Variants in BLK observed in about 807,000 individuals in gnomAD.
BLK encodes tyrosine-protein kinase Blk.
BLK carries 64 observed loss-of-function variants against 61.8 expected under a neutral mutation model. The observed-to-expected ratio is 1.03, with a 90% confidence interval of 0.85 to 1.27. The LOEUF (loss-of-function observed/expected upper bound fraction) is 1.27. Among genes scored for constraint, BLK ranks in the 50% most tolerant of loss-of-function variants. The pLI is 0.00. For synonymous variants in BLK, 351 were observed against 272.0 expected (o/e 1.29, Z -2.86); for missense variants, 853 against 660.5 (o/e 1.29, Z -3.19).
chr8:11,561,968 G>A (rs1335440597), intron 11 of BLK, among the ~76,000 whole-genome samples: 1 of 152,064 alleles, frequency 6.6e-6, no homozygotes, highest in African/African-American at 2.4e-5. Context: ...ACAGGCGTGT[G>A]CCACTACACC....
At chr8:11,562,759 C>T (rs1471124138) in intron 11 of BLK, among the ~76,000 whole-genome samples, 2 of 152,184 alleles carry the variant, frequency 1.3e-5, no homozygotes, top group African/African-American at 2.4e-5. Flanking sequence ...GTATTGGTGT[C>T]CATATCGTCT....
rs1267834821 is a variant in BLK, at chr8:11,563,934, G to C, written c.1344G>C (p.Leu448=). ...GMSNPEVIRN[L]ERGYRMPRPD... ...GCAACCCCGAGGTCATCCGCAACCTGGAGCGCGGCTACCGCATGCCGCGCC... is the reference window on the plus strand; with the variant it reads ...GCAACCCCGAGGTCATCCGCAACCTCGAGCGCGGCTACCGCATGCCGCGCC... Residue 448 remains leucine, a synonymous_variant, in exon 13 of 13, where the codon CTG becomes CTC. Coordinates refer to ENST00000259089, the MANE Select transcript of BLK (RefSeq NM_001715.3). The C allele has an allele frequency of 8.7e-6, 14 of 1,608,440 alleles. No individual in the cohort carries two copies. Among genetic ancestry groups the C allele is most frequent in the Admixed American group, 1.7e-5 (1 of 59,962 alleles).
At chr8:11,505,497 G>A (rs1043051436) in intron 1 of BLK, among the ~76,000 whole-genome samples, 1 of 152,232 alleles carries the variant, frequency 6.6e-6, no homozygotes, top group East Asian at 1.9e-4. Context: ...CTGAGTGAGG[G>A]CAAAGTTGTA....
intron 2 of BLK, among the ~76,000 whole-genome samples, chr8:11,544,401 T>C (rs1453572582): frequency 6.6e-6 from 1 of 152,174 alleles, no homozygotes; most frequent in East Asian, 1.9e-4. Flanking sequence ...GTCATCTCTT[T>C]ATCCTAACAG....
intron 1 of BLK, among the ~76,000 whole-genome samples, chr8:11,511,860 A>G (rs1017168875): frequency 1.3e-5 from 2 of 152,242 alleles, no homozygotes; most frequent in Non-Finnish European, 2.9e-5. Flanking sequence ...GGTTGGGAGT[A>G]TGAATGACAT....
intron 10 of BLK, chr8:11,558,440 C>A: frequency 2.8e-6 from 1 of 360,808 alleles, no homozygotes; most frequent in Admixed American, 3.7e-5. Context: ...CCACAAACAT[C>A]TCCTGTAGGA....
chr8:11,544,734 T>C (rs1800545491), intron 2 of BLK, among the ~76,000 whole-genome samples: 1 of 152,162 alleles, frequency 6.6e-6, no homozygotes, highest in Admixed American at 6.5e-5. Context: ...CGTGTGTTCA[T>C]TTCATGTGTT....
At chr8:11,524,212 T>C (rs1799561306) in intron 1 of BLK, among the ~76,000 whole-genome samples, 1 of 152,230 alleles carries the variant, frequency 6.6e-6, no homozygotes, top group Admixed American at 6.5e-5. Context: ...TATACTGTAC[T>C]GTTCACAGAA....
chr8:11,507,137 T>C (rs1798803146), intron 1 of BLK, among the ~76,000 whole-genome samples: 2 of 152,192 alleles, frequency 1.3e-5, no homozygotes, highest in Admixed American at 6.5e-5. Context: ...ACATGCAGTA[T>C]AAATGTACAC....
intron 1 of BLK, among the ~76,000 whole-genome samples, chr8:11,516,472 C>G (rs1211031204): frequency 1.3e-5 from 2 of 152,186 alleles, no homozygotes; most frequent in Admixed American, 1.3e-4. Flanking sequence ...ACTCAAGGAA[C>G]ATTTATTAAT....
chr8:11,562,896 A>G (rs1288196736), intron 11 of BLK, 83 bp from the exon 12 acceptor site: 25 of 1,590,020 alleles, frequency 1.6e-5, no homozygotes, highest in Non-Finnish European at 2.0e-5. Flanking sequence ...ATGGAAGGAC[A>G]GCAGGAGCAG....
rs1801153153 is a variant in BLK, at chr8:11,555,395, C to A, written c.683C>A (p.Pro228His). Residue 228 changes from proline (P) to histidine (H), a missense_variant, in exon 8 of 13, where the codon CCC becomes CAC. By Grantham distance (77) the Pro-to-His change is moderately conservative. Coordinates refer to ENST00000259089, the MANE Select transcript of BLK (RefSeq NM_001715.3). ...TGTGTGCGCCCGGCCCCGCAGAATC[C>A]CTGGGCCCAGGATGAATGGGAGATC... ...LPCVRPAPQN[P>H]WAQDEWEIPR... The A allele has an allele frequency of 6.2e-7, 1 of 1,614,034 alleles. No individual in the cohort carries two copies. Among genetic ancestry groups the A allele is most frequent in the South Asian group, 1.1e-5 (1 of 91,086 alleles).
rs769432369 is a variant in BLK, at chr8:11,524,444, C to CT, written c.-1-18774dup. On this transcript the variant is annotated intron_variant, in intron 1 of 12. Transcript: ENST00000259089. ...AATGAGATTGAAAAGTAAAAGACCA[C>CT]TTTTTTGTAAGCCAGCTCAGAAAGG... Among the ~76,000 whole-genome samples, 28 of 152,306 alleles carry CT rather than the reference C, an allele frequency of 1.8e-4. No individual in the cohort carries two copies. The East Asian group carries it at 2.1e-3, about 12-fold the overall frequency.
chr8:11,519,565 G>T (rs1799357852), intron 1 of BLK, among the ~76,000 whole-genome samples: 1 of 152,176 alleles, frequency 6.6e-6, no homozygotes, highest in Non-Finnish European at 1.5e-5. Flanking sequence ...ACATACAAAA[G>T]TTTATGTACA....
intron 1 of BLK, among the ~76,000 whole-genome samples, chr8:11,529,092 T>C (rs1297041717): frequency 6.6e-6 from 1 of 152,128 alleles, no homozygotes; most frequent in Non-Finnish European, 1.5e-5. Context: ...ACGTACCCCA[T>C]AACTTAAAAT....
intron 9 of BLK, among the ~76,000 whole-genome samples, chr8:11,557,645 A>C (rs1295107036): frequency 6.6e-6 from 1 of 152,176 alleles, no homozygotes; most frequent in Non-Finnish European, 1.5e-5. Flanking sequence ...AAGGGGCATG[A>C]AACTTCGAGT....
chr8:11,505,887 C>T (rs1798752859), intron 1 of BLK, among the ~76,000 whole-genome samples: 1 of 152,210 alleles, frequency 6.6e-6, no homozygotes, highest in Non-Finnish European at 1.5e-5. Context: ...CACTCCCTGC[C>T]TGAAATGCCC....
chr8:11,518,553 A>G (rs544682346), intron 1 of BLK, among the ~76,000 whole-genome samples: 1 of 151,422 alleles, frequency 6.6e-6, no homozygotes, highest in African/African-American at 2.4e-5. Flanking sequence ...CTCTATTTCC[A>G]CTAACAATGC....
rs77428109 is a variant in BLK at position 11,514,955 on chromosome 8, C to T, written c.-2+20364C>T. The stretch of plus-strand genomic sequence containing the variant: ...TCAGCCCCCTCCCCTTCCTGGGGAG[C>T]TCCCACTCCAGGGTTGAGGCACGCA... On this transcript the variant is annotated intron_variant, in intron 1 of 12. Transcript: ENST00000259089. 4.9e-4 allele frequency among the ~76,000 whole-genome samples: 74 copies of T among 152,268 alleles called. 1 individual carries two copies. In the East Asian group the frequency reaches 0.014, roughly 28 times the overall value.
Sources: gnomAD v4.1 joint callset for allele counts (sites outside exome capture counted in the v4.1 genomes callset) on GRCh38, gnomAD v4.1.1 for gene constraint, MANE v1.5 for transcripts, NCBI Gene and HGNC (gene_info 2026-07-23, HGNC 2026-07-21) for gene names.